The following SPON1 variants were observed in gnomAD, a reference collection of about 807,000 sequenced individuals.
The protein encoded by SPON1 is spondin 1, also known as spondin-1.
SPON1 carries 52 observed loss-of-function variants against 111.7 expected under a neutral mutation model. The observed-to-expected ratio is 0.47, with a 90% confidence interval of 0.37 to 0.59. SPON1 has a LOEUF of 0.59. Among genes scored for constraint, SPON1 ranks in the 20% least tolerant of loss-of-function variants. SPON1 has a pLI of 0.00. For missense variants in SPON1, 957 were observed against 1,068.5 expected, an observed-to-expected ratio of 0.90 and a Z score of 1.46; for synonymous variants, 410 against 395.8, an observed-to-expected ratio of 1.04 and a Z score of -0.43.
chr11:14,102,311 AGCAAGT>A (rs548917442), intron 5 of SPON1, among the ~76,000 whole-genome samples: 247 of 152,326 alleles, frequency 1.6e-3, no homozygotes, highest in Non-Finnish European at 2.6e-3. Flanking sequence ...ATTAAACAGA[AGCAAGT>A]GCAATTAATT....
chr11:14,094,559 G>A (rs1264100626), intron 5 of SPON1, among the ~76,000 whole-genome samples: 1 of 151,924 alleles, frequency 6.6e-6, no homozygotes, highest in East Asian at 1.9e-4. Flanking sequence ...CTTTTTTCAT[G>A]TTTATTGTCC....
At chr11:14,194,242 G>A (rs1848377168) in intron 6 of SPON1, among the ~76,000 whole-genome samples, 1 of 152,078 alleles carries the variant, frequency 6.6e-6, no homozygotes, top group Admixed American at 6.6e-5. Context: ...CAATATTTAG[G>A]GTACTTGACA....
chr11:14,136,699 A>G (rs1847596530), intron 6 of SPON1, among the ~76,000 whole-genome samples: 1 of 152,176 alleles, frequency 6.6e-6, no homozygotes, highest in African/African-American at 2.4e-5. Context: ...GAATGAGCTT[A>G]TGTTTCTTAT....
In SPON1 at chr11:14,266,700, A is replaced by G. The variant is rs1554942532; in HGVS notation, c.*1013A>G. On this transcript the variant is annotated 3_prime_UTR_variant, in exon 16 of 16. Transcript: ENST00000576479. The stretch of plus-strand genomic sequence containing the variant: ...CAACAAAATACAATCTCTGTACTTT[A>G]AAGTTATTTTAGTCATGAAATTTTA... The G allele has an allele frequency of 6.6e-6, 1 of 152,214 alleles. No individual in the cohort carries two copies. Among genetic ancestry groups the G allele is most frequent in the African/African-American group, 2.4e-5 (1 of 41,452 alleles). The allele number at this position is 152,214 out of a possible 1,614,324, so 9.4% of individuals were successfully genotyped here. A position where few individuals can be genotyped will look rare whatever the true frequency, so the allele number is the denominator to read the frequency against.
At position 14,016,954 on chromosome 11, in the gene SPON1, G is replaced by A. The variant is rs563189336; in HGVS notation, c.346-24567G>A. On this transcript the variant is annotated intron_variant, in intron 2 of 15. Coordinates refer to ENST00000576479, the MANE Select transcript of SPON1 (RefSeq NM_006108.4). ...GACTTTTGCTACCAGGATGGGCACA[G>A]GGCACTCTAACTTTGCAAAGCAGCC... 2.0e-5 allele frequency among the ~76,000 whole-genome samples: 3 copies of A among 152,288 alleles called. No individual in the cohort carries two copies. The South Asian group carries it at 6.2e-4, about 32-fold the overall frequency.
At chr11:14,117,266 C>T (rs960435963) in intron 5 of SPON1, among the ~76,000 whole-genome samples, 1 of 152,160 alleles carries the variant, frequency 6.6e-6, no homozygotes, top group Non-Finnish European at 1.5e-5. Context: ...TGTTCCCAAT[C>T]TCATGGGGAA....
intron 2 of SPON1, among the ~76,000 whole-genome samples, chr11:14,017,646 G>C (rs1045116038): frequency 2.6e-5 from 4 of 152,314 alleles, no homozygotes; most frequent in Middle Eastern, 6.8e-3. Context: ...AGGCCACCTT[G>C]CCTAAAGTAG....
Position 14,259,508 on chromosome 11 carries a change from G to T in SPON1, c.1664-26G>T. On this transcript the variant is annotated intron_variant, in intron 12 of 15. Transcript: ENST00000576479. This position sits in a 1 kb window ranked among gnomAD's most constrained non-coding sequence, Gnocchi z 5.0. ...AGTAGGTCGGGGAGGCAGCAGGTGCGACTCCAATGCCGCTGGCCTCCCCAG... is the reference window on the plus strand; with the variant it reads ...AGTAGGTCGGGGAGGCAGCAGGTGCTACTCCAATGCCGCTGGCCTCCCCAG... The T allele has an allele frequency of 1.3e-6, 2 of 1,564,782 alleles. No individual in the cohort carries two copies. Among genetic ancestry groups the T allele is most frequent in the South Asian group, 1.2e-5 (1 of 85,078 alleles).
intron 6 of SPON1, among the ~76,000 whole-genome samples, chr11:14,174,245 A>T (rs7131254): frequency 3.9e-5 from 6 of 151,940 alleles, no homozygotes; most frequent in Non-Finnish European, 5.9e-5. Context: ...TTTTGTAATC[A>T]CCCCATCTCT....
intron 6 of SPON1, among the ~76,000 whole-genome samples, chr11:14,233,143 G>A (rs1371861941): frequency 1.4e-4 from 21 of 152,098 alleles, no homozygotes; most frequent in East Asian, 1.2e-3. Flanking sequence ...GGACTTCTCC[G>A]TTGAGCTCCG....
rs1591386561 is a variant in SPON1, at chr11:14,140,143, G to A, written c.825+4575G>A. 2.0e-5 allele frequency among the ~76,000 whole-genome samples: 3 copies of A among 152,234 alleles called. No homozygotes were observed. The South Asian group carries it at 6.2e-4, about 32-fold the overall frequency. ...TTGGGGAAATGTGGACACACATTTGGGCAGGGCCTTGTTGGGTTTCCTCTC... is the reference window on the plus strand; with the variant it reads ...TTGGGGAAATGTGGACACACATTTGAGCAGGGCCTTGTTGGGTTTCCTCTC... On this transcript the variant is annotated intron_variant, in intron 6 of 15. Transcript: ENST00000576479.
At chr11:14,070,752 C>T (rs184302627) in intron 3 of SPON1, among the ~76,000 whole-genome samples, 1 of 152,242 alleles carries the variant, frequency 6.6e-6, no homozygotes, top group Admixed American at 6.5e-5. Flanking sequence ...AAACCCACAA[C>T]TTCACAAACT....
chr11:14,254,312 G>A (rs1849083340), intron 7 of SPON1, among the ~76,000 whole-genome samples: 1 of 152,066 alleles, frequency 6.6e-6, no homozygotes, highest in Non-Finnish European at 1.5e-5. Flanking sequence ...AACTGGATAG[G>A]GTGGTAGTAT....
At chr11:14,014,061 G>T (rs1848425712) in intron 2 of SPON1, among the ~76,000 whole-genome samples, 1 of 152,138 alleles carries the variant, frequency 6.6e-6, no homozygotes, top group Non-Finnish European at 1.5e-5. Flanking sequence ...AATGCTGGGG[G>T]AGAAGCTCTG....
At chr11:14,028,727 T>C (rs1848537372) in intron 2 of SPON1, among the ~76,000 whole-genome samples, 1 of 152,150 alleles carries the variant, frequency 6.6e-6, no homozygotes, top group South Asian at 2.1e-4. Flanking sequence ...CTGGGCTCTG[T>C]ACACAGGACA....
intron 6 of SPON1, among the ~76,000 whole-genome samples, chr11:14,212,064 A>G (rs1554936791): frequency 6.6e-6 from 1 of 152,126 alleles, no homozygotes; most frequent in East Asian, 1.9e-4. Flanking sequence ...TTCTTTTGAC[A>G]TATATTGAAA....
At chr11:14,021,877 C>A (rs1197935048) in intron 2 of SPON1, among the ~76,000 whole-genome samples, 4 of 152,230 alleles carry the variant, frequency 2.6e-5, no homozygotes, top group Non-Finnish European at 5.9e-5. Context: ...GTTCACTGAT[C>A]ACCCATCGCT....
At chr11:14,196,696 T>C (rs934822285) in intron 6 of SPON1, among the ~76,000 whole-genome samples, 5 of 152,218 alleles carry the variant, frequency 3.3e-5, no homozygotes, top group Admixed American at 3.3e-4. Flanking sequence ...TTCAGGAATG[T>C]GTTTTTTTAG....
chr11:14,078,831 C>T (rs1848938189), intron 4 of SPON1, among the ~76,000 whole-genome samples: 1 of 152,182 alleles, frequency 6.6e-6, no homozygotes, highest in South Asian at 2.1e-4. Flanking sequence ...ATCCTTTCAT[C>T]TCCACCCTAG....
Sources: allele counts gnomAD v4.1 joint callset (sites outside exome capture counted in the v4.1 genomes callset), GRCh38; gene constraint gnomAD v4.1.1; non-coding constraint Gnocchi (gnomAD v3.1); transcripts MANE v1.5; gene names NCBI Gene and HGNC (gene_info 2026-07-23, HGNC 2026-07-21).